The following DNAH5 variants were observed in gnomAD, a reference collection of about 807,000 sequenced individuals.
DNAH5 encodes dynein axonemal heavy chain 5.
A neutral mutation model predicts 518.2 loss-of-function variants in DNAH5; 372 were observed. The ratio of observed to expected loss-of-function variants is 0.72; its 90% CI spans 0.66 to 0.78. The LOEUF is 0.78. DNAH5 is among the 30% of genes least tolerant of loss of function. The pLI is 0.00. For missense variants in DNAH5, 5,523 were observed against 5,687.0 expected, an observed-to-expected ratio of 0.97 and a Z score of 0.93; for synonymous variants, 2,039 against 2,025.9, an observed-to-expected ratio of 1.01 and a Z score of -0.17.
chr5:13,786,901 A>G (rs935930347), intron 51 of DNAH5, among the ~76,000 whole-genome samples: 2 of 152,190 alleles, frequency 1.3e-5, no homozygotes, highest in Non-Finnish European at 2.9e-5. Flanking sequence ...AAGATGTATT[A>G]AAATCAATAT....
chr5:13,893,390 G>A (rs1773522728), intron 16 of DNAH5, among the ~76,000 whole-genome samples: 1 of 152,024 alleles, frequency 6.6e-6, no homozygotes, highest in Non-Finnish European at 1.5e-5. Context: ...GAGAGACTAA[G>A]TATATAAAAT....
intron 42 of DNAH5, among the ~76,000 whole-genome samples, chr5:13,815,176 G>A (rs527310928): frequency 6.6e-6 from 1 of 152,146 alleles, no homozygotes; most frequent in Non-Finnish European, 1.5e-5. Context: ...ACATTCTAAG[G>A]AGTAGAGATG....
chr5:13,886,030 A>G lies in DNAH5; in HGVS notation c.2677T>C (p.Leu893=), dbSNP rs1191854486. ...LVNMLLDVEV[L]SEEESEKISN... ...ATTTTTTCACTTTCTTCTTCAGATA[A>G]AACTTCCACATCCAGCAACATATTT... Residue 893 remains leucine (L), a synonymous_variant, in exon 18 of 79, where the codon TTA becomes CTA. Coordinates refer to ENST00000265104, the MANE Select transcript of DNAH5 (RefSeq NM_001369.3). 1.2e-6 allele frequency: 2 copies of G among 1,613,346 alleles called. No individual in the cohort carries two copies. Among genetic ancestry groups the G allele is most frequent in the African/African-American group, 2.7e-5 (2 of 74,986 alleles).
At chr5:13,840,811 C>T (rs1765049262) in intron 34 of DNAH5, 95 bp downstream of exon 34, 2 of 1,012,316 alleles carry the variant, frequency 2.0e-6, no homozygotes, top group Admixed American at 2.1e-5. Context: ...TTAATTTTTT[C>T]CTTGAATTCA....
At position 13,839,475 on chromosome 5, in the gene DNAH5, T is replaced by G; in HGVS notation, c.5763A>C (p.Arg1921Ser). The G allele has an allele frequency of 6.2e-7, 1 of 1,614,078 alleles. No homozygotes were observed. The highest frequency in any genetic ancestry group is 1.7e-4 in the Middle Eastern group (1 of 6,050). Residue 1921 changes from arginine (R) to serine (S), a missense_variant, in exon 35 of 79, where the codon AGA becomes AGC. By Grantham distance (110) the Arg-to-Ser change is moderately radical (BLOSUM62 -1). Transcript: ENST00000265104. ...TGTCAGAATCTTCGTTAAAGTAAAA[T>G]CTGCACTGTTTCAGCCACTCAAAGT... ...PMDFEWLKQC[R>S]FYFNEDSDKM...
chr5:13,696,501 T>C (rs1238704105), intron 78 of DNAH5, among the ~76,000 whole-genome samples: 6 of 152,202 alleles, frequency 3.9e-5, no homozygotes, highest in Admixed American at 1.3e-4. Context: ...CTAGATTTCT[T>C]CTTGTAGAAA....
In DNAH5 at chr5:13,707,964, T is replaced by G. The variant is rs1288617640; in HGVS notation, c.13338+159A>C. Among the ~76,000 whole-genome samples, 1 of 152,174 alleles carries G rather than the reference T, an allele frequency of 6.6e-6. No individual in the cohort carries two copies. The highest frequency in any genetic ancestry group is 1.9e-4 in the East Asian group (1 of 5,190). Reference sequence around the variant, plus strand: ...TGGGATTTGCTAAAAAAAAACTTCCTTCCCTACCTATGGTCTAAAAATACA... The same window carrying G: ...TGGGATTTGCTAAAAAAAAACTTCCGTCCCTACCTATGGTCTAAAAATACA... On this transcript the variant is annotated intron_variant, in intron 76 of 78. Transcript: ENST00000265104. This position sits in a 1 kb window ranked among gnomAD's most constrained non-coding sequence, Gnocchi z 4.0.
At chr5:13,807,272 G>A (rs1167715075) in intron 47 of DNAH5, among the ~76,000 whole-genome samples, 1 of 152,178 alleles carries the variant, frequency 6.6e-6, no homozygotes, top group Non-Finnish European at 1.5e-5. Flanking sequence ...AAGGAAGTAG[G>A]TTTAGGTGGG....
intron 32 of DNAH5, among the ~76,000 whole-genome samples, chr5:13,844,544 A>G (rs961712258): frequency 6.6e-6 from 1 of 152,222 alleles, no homozygotes; most frequent in Non-Finnish European, 1.5e-5. Context: ...CTGGTTTTTC[A>G]TCTTGTTGGA....
At chr5:13,725,641 T>C (rs1359951277) in intron 70 of DNAH5, among the ~76,000 whole-genome samples, 1 of 152,224 alleles carries the variant, frequency 6.6e-6, no homozygotes. Flanking sequence ...TGCACACCTG[T>C]GCCAACCTCC....
intron 65 of DNAH5, among the ~76,000 whole-genome samples, chr5:13,745,826 C>T (rs1749253490): frequency 6.6e-6 from 1 of 152,030 alleles, no homozygotes; most frequent in South Asian, 2.1e-4. Flanking sequence ...AACAGCTCTC[C>T]TTAAATCAAT....
rs754598993 is a variant in DNAH5, at chr5:13,920,603, C to A, written c.675G>T (p.Lys225Asn). 2 of 1,614,168 alleles carry A rather than the reference C, an allele frequency of 1.2e-6. No homozygotes were observed. The highest frequency in any genetic ancestry group is 1.7e-6 in the Non-Finnish European group (2 of 1,180,006). ...ESLKEKVNLR[K>N]CDILELKTLK... is the part of the protein sequence containing the mutation. ...GGGTTTTCAGTTCAAGTATGTCACA[C>A]TTTCGAAGGTTCACCTAATTAGAAT... is the stretch of plus-strand genomic sequence containing the variant. Residue 225 changes from lysine to asparagine, a missense_variant, in exon 6 of 79, where the codon AAG becomes AAT. Around this residue, in one of 3 missense-constraint regions of DNAH5, gnomAD observed 5,121 missense variants for 5,223.3 expected, o/e 0.98. Transcript: ENST00000265104.
chr5:13,933,212 A>G (rs186374926), intron 1 of DNAH5, among the ~76,000 whole-genome samples: 1 of 152,364 alleles, frequency 6.6e-6, no homozygotes, highest in Non-Finnish European at 1.5e-5. Context: ...AAGACGGTCA[A>G]TATAAAAGCT....
chr5:13,840,767 A>C, intron 34 of DNAH5, 139 bp downstream of exon 34: 1 of 693,436 alleles, frequency 1.4e-6, no homozygotes, highest in Non-Finnish European at 2.5e-6. Context: ...AAAGCTGATA[A>C]GCTCTGATTA....
chr5:13,747,058 G>T (rs1331952970), intron 65 of DNAH5, among the ~76,000 whole-genome samples: 1 of 151,498 alleles, frequency 6.6e-6, no homozygotes, highest in Non-Finnish European at 1.5e-5. Context: ...CCCACAACAG[G>T]CCCCAGTGTG....
intron 73 of DNAH5, 29 bp from the exon 74 acceptor site, chr5:13,716,719 G>C (rs1561101143): frequency 6.8e-7 from 1 of 1,469,504 alleles, no homozygotes; most frequent in Non-Finnish European, 9.5e-7. Flanking sequence ...TAATTATGTA[G>C]AACTGACTAC....
chr5:13,792,149 TTG>T lies in DNAH5; in HGVS notation c.8291_8292del (p.Thr2764LysfsTer16), dbSNP rs1561270825. 1 of 1,614,026 alleles carries T rather than the reference TTG, an allele frequency of 6.2e-7. No individual in the cohort carries two copies. The highest frequency in any genetic ancestry group is 2.2e-5 in the East Asian group (1 of 44,874). On this transcript the variant is annotated frameshift_variant, in exon 50 of 79. Transcript: ENST00000265104. LOFTEE classifies it high-confidence loss of function. ...AGTCGGCGTGTCAGAGGCACCAATT[TTG>T]TCACAGAATCTCTCACTTCTTCTGA... ...GFSEEVRDSV[T>X]KLVPLTRRLW...
intron 11 of DNAH5, among the ~76,000 whole-genome samples, chr5:13,913,369 C>G (rs148750866): frequency 6.6e-6 from 1 of 152,064 alleles, no homozygotes; most frequent in Non-Finnish European, 1.5e-5. Flanking sequence ...TAATTGAGTG[C>G]CACAAAGTAC....
intron 4 of DNAH5, among the ~76,000 whole-genome samples, 193 bp from the exon 5 acceptor site, chr5:13,922,521 G>A (rs917588909): frequency 8.6e-5 from 13 of 152,012 alleles, no homozygotes; most frequent in East Asian, 5.8e-4. Context: ...GAGGTCAGGT[G>A]TTCGAGACCA....
Sources: allele counts gnomAD v4.1 joint callset (sites outside exome capture counted in the v4.1 genomes callset), GRCh38; gene constraint gnomAD v4.1.1; regional missense constraint gnomAD v4.1.1; non-coding constraint Gnocchi (gnomAD v3.1); transcripts MANE v1.5; gene names NCBI Gene and HGNC (gene_info 2026-07-23, HGNC 2026-07-21).